Variants in DIP2C observed in about 807,000 individuals in gnomAD.
DIP2C encodes the protein DIP2 acetate--CoA ligase C (putative).
A neutral mutation model predicts 192.4 loss-of-function variants in DIP2C; 33 were observed. The observed-to-expected ratio is 0.17, with a 90% CI of 0.13 to 0.23. DIP2C has a LOEUF of 0.23. DIP2C is among the 10% of genes least tolerant of loss of function. The pLI is 1.00. For synonymous variants in DIP2C, 979 were observed against 864.1 expected, an observed-to-expected ratio of 1.13 and a Z score of -2.33; for missense variants, 1,537 against 2,110.1, an observed-to-expected ratio of 0.73 and a Z score of 5.32.
chr10:538,105 A>T (rs1396795408), intron 1 of DIP2C, among the ~76,000 whole-genome samples: 2 of 152,032 alleles, frequency 1.3e-5, no homozygotes, highest in Non-Finnish European at 2.9e-5. Context: ...TGTATTTTAA[A>T]TTTTTAAGCT....
intron 35 of DIP2C, among the ~76,000 whole-genome samples, chr10:282,903 C>T (rs753428715): frequency 6.6e-6 from 1 of 152,238 alleles, no homozygotes; most frequent in Non-Finnish European, 1.5e-5. Flanking sequence ...GCTTCTGTCT[C>T]AGATGGACCC....
intron 1 of DIP2C, chr10:667,497 CACA>C (rs1460125684): frequency 6.6e-6 from 1 of 152,360 alleles, no homozygotes; most frequent in Non-Finnish European, 1.5e-5. Flanking sequence ...TCACATACAA[CACA>C]ACATGCATGT....
intron 1 of DIP2C, among the ~76,000 whole-genome samples, chr10:549,311 T>C (rs1481414622): frequency 6.6e-6 from 1 of 152,138 alleles, no homozygotes; most frequent in African/African-American, 2.4e-5. Context: ...TATGTCTCAA[T>C]TAACACACAG....
chr10:497,320 C>A (rs184231248), intron 1 of DIP2C, among the ~76,000 whole-genome samples: 1 of 152,150 alleles, frequency 6.6e-6, no homozygotes, highest in African/African-American at 2.4e-5. Flanking sequence ...ATAGAACCCA[C>A]GAATATGGAA....
Position 650,508 on chromosome 10 carries a change from T to C in DIP2C, c.85+38986A>G. 4.3e-6 allele frequency: 3 copies of C among 692,842 alleles called. No homozygotes were observed. In the South Asian group the frequency reaches 4.6e-5, roughly 11 times the overall value. The allele number at this position is 692,842 out of a possible 1,614,324, so 42.9% of individuals were successfully genotyped here. ...ACTTCTACTGGGTTCCCTATACTCT[T>C]CCCCTGCCCCAGCTGGTCCCCCCAT... On this transcript the variant is annotated intron_variant, in intron 1 of 36. Transcript: ENST00000280886.
At chr10:287,843 C>T (rs1385301406) in intron 33 of DIP2C, among the ~76,000 whole-genome samples, 2 of 152,194 alleles carry the variant, frequency 1.3e-5, no homozygotes, top group Non-Finnish European at 2.9e-5. Context: ...GTAATAGATA[C>T]CCTGATTTTT....
At chr10:570,359 C>T (rs532117205) in intron 1 of DIP2C, among the ~76,000 whole-genome samples, 63 of 152,322 alleles carry the variant, frequency 4.1e-4, no homozygotes, top group African/African-American at 1.5e-3. Context: ...GAGCAAGCCC[C>T]ACAAAGGCCT....
chr10:650,577 G>A (rs1017136256), intron 1 of DIP2C: 12 of 626,216 alleles, frequency 1.9e-5, no homozygotes, highest in East Asian at 2.7e-5. Flanking sequence ...CAGGAGGGAC[G>A]TGGGCCCCTT....
At chr10:393,961 G>A (rs1963726534) in intron 10 of DIP2C, among the ~76,000 whole-genome samples, 1 of 152,164 alleles carries the variant, frequency 6.6e-6, no homozygotes, top group Admixed American at 6.5e-5. Context: ...CGCTATTGGT[G>A]GGAATGCAAA....
intron 24 of DIP2C, 56 bp from the exon 25 acceptor site, chr10:349,510 A>C: frequency 6.4e-7 from 1 of 1,572,486 alleles, no homozygotes; most frequent in Non-Finnish European, 8.6e-7. Context: ...AGCAGCTTGC[A>C]GAGAGCGCGC....
intron 36 of DIP2C, among the ~76,000 whole-genome samples, chr10:278,132 C>T (rs1420319641): frequency 6.7e-6 from 1 of 150,330 alleles, no homozygotes; most frequent in Non-Finnish European, 1.5e-5. Flanking sequence ...GGTGCCTACT[C>T]CTGTCTGTGC....
intron 28 of DIP2C, 55 bp from the exon 29 acceptor site, chr10:341,384 G>A (rs1337168932): frequency 1.4e-5 from 23 of 1,607,658 alleles, no homozygotes; most frequent in African/African-American, 4.0e-5. Context: ...TCAGACACCC[G>A]GGACAATACG....
At chr10:491,644 G>A (rs977543858) in intron 1 of DIP2C, among the ~76,000 whole-genome samples, 7 of 152,180 alleles carry the variant, frequency 4.6e-5, no homozygotes, top group Non-Finnish European at 7.3e-5. Context: ...TTTTTCTCAT[G>A]GATAAAATAT....
chr10:584,424 C>G (rs1850868904), intron 1 of DIP2C, among the ~76,000 whole-genome samples: 2 of 150,952 alleles, frequency 1.3e-5, no homozygotes, highest in African/African-American at 4.9e-5. Flanking sequence ...TCTCGGGGCC[C>G]ACAACCTGAC....
intron 1 of DIP2C, among the ~76,000 whole-genome samples, chr10:681,029 T>C (rs948987464): frequency 6.6e-6 from 1 of 150,746 alleles, no homozygotes; most frequent in African/African-American, 2.4e-5. Flanking sequence ...CCCAGTTGCA[T>C]GGTACAGCTA....
At chr10:595,363 A>G (rs1467697647) in intron 1 of DIP2C, among the ~76,000 whole-genome samples, 1 of 152,164 alleles carries the variant, frequency 6.6e-6, no homozygotes, top group Non-Finnish European at 1.5e-5. Flanking sequence ...ACAGCCAAAT[A>G]TTGGCAGTTT....
chr10:311,272 T>C (rs1046923183), intron 31 of DIP2C, among the ~76,000 whole-genome samples: 2 of 151,806 alleles, frequency 1.3e-5, no homozygotes, highest in Non-Finnish European at 2.9e-5. Flanking sequence ...AATAAGTAAA[T>C]GGAAAACAGG....
intron 1 of DIP2C, among the ~76,000 whole-genome samples, chr10:595,556 A>C (rs1271899519): frequency 6.6e-6 from 1 of 152,090 alleles, no homozygotes; most frequent in East Asian, 1.9e-4. Flanking sequence ...GAAAGAATGA[A>C]ATGATTTTGC....
At position 407,105 on chromosome 10, in the gene DIP2C, G is replaced by A. The variant is rs147684276; in HGVS notation, c.1149+1821C>T. On this transcript the variant is annotated intron_variant, in intron 9 of 36. Coordinates refer to ENST00000280886, the MANE Select transcript of DIP2C (RefSeq NM_014974.3). ...AGAAATAATAGAACTCCAGTCTCCC[G>A]CACAGCCAGCTCTGCGTGAATCACT... 6.0e-3 allele frequency among the ~76,000 whole-genome samples: 913 copies of A among 152,254 alleles called. 4 individuals carry two copies. The highest frequency in any genetic ancestry group is 0.014 in the Middle Eastern group (4 of 294).
Sources: allele counts gnomAD v4.1 joint callset (sites outside exome capture counted in the v4.1 genomes callset), GRCh38; gene constraint gnomAD v4.1.1; transcripts MANE v1.5; gene names NCBI Gene and HGNC (gene_info 2026-07-23, HGNC 2026-07-21).